RAP1B: variants seen among roughly 807,000 people sequenced by gnomAD.
RAP1B encodes ras-related protein Rap-1b.
In RAP1B, 1 loss-of-function variant was observed where a neutral mutation model predicts 27.5. That is an observed-to-expected ratio of 0.04 (90% CI 0.01 to 0.17). The LOEUF is 0.17. Ranked by LOEUF, RAP1B falls within the 10% of genes least tolerant of loss-of-function variation. The pLI, the probability that RAP1B is intolerant of heterozygous loss-of-function variation, is 1.00. For synonymous variants in RAP1B, 75 were observed against 73.1 expected (o/e 1.03, Z -0.13); for missense variants, 84 against 214.8 (o/e 0.39, Z 3.81).
In RAP1B at chr12:68,663,931, T is replaced by C. The variant is rs910218490; in HGVS notation, c.*4682T>C. On this transcript the variant is annotated 3_prime_UTR_variant, in exon 8 of 8. Coordinates refer to ENST00000250559, the MANE Select transcript of RAP1B (RefSeq NM_001010942.3). ...CCAACTTTCTAAGAGAAAATTGTAA[T>C]GATTTTAGAAAAGTGAGCTGTCATT... 6.6e-6 allele frequency: 1 copy of C among 152,196 alleles called. No individual in the cohort carries two copies. Among genetic ancestry groups the C allele is most frequent in the Non-Finnish European group, 1.5e-5 (1 of 68,018 alleles). The allele number at this position is 152,196 out of a possible 1,614,324, so 9.4% of individuals were successfully genotyped here. A position where few individuals can be genotyped will look rare whatever the true frequency, so the allele number is the denominator to read the frequency against.
intron 1 of RAP1B, among the ~76,000 whole-genome samples, chr12:68,646,549 A>G (rs1243558856): frequency 6.6e-6 from 1 of 152,038 alleles, no homozygotes; most frequent in Non-Finnish European, 1.5e-5. Context: ...CAGCCTCCCA[A>G]AGTGCTAGGA....
At position 68,662,475 on chromosome 12, in the gene RAP1B, A is replaced by G. The variant is rs1011957867; in HGVS notation, c.*3226A>G. 2 of 152,098 alleles carry G rather than the reference A, an allele frequency of 1.3e-5. No homozygotes were observed. Among genetic ancestry groups the G allele is most frequent in the Non-Finnish European group, 2.9e-5 (2 of 68,002 alleles). 9.4% of individuals were successfully genotyped at this position (152,098 alleles called of 1,614,324 possible). A position where few individuals can be genotyped will look rare whatever the true frequency, so the allele number is the denominator to read the frequency against. On this transcript the variant is annotated 3_prime_UTR_variant, in exon 8 of 8. Transcript: ENST00000250559. ...AATAGAAATTTTTAAAATTCCATTT[A>G]TAAAATGAAGTTTTGCCGTTTTTTT... is the stretch of plus-strand genomic sequence containing the variant.
intron 1 of RAP1B, among the ~76,000 whole-genome samples, chr12:68,642,105 A>G (rs1565667828): frequency 6.6e-6 from 1 of 152,214 alleles, no homozygotes; most frequent in Non-Finnish European, 1.5e-5. Flanking sequence ...ATTAGTTGGT[A>G]TAATTGGTTA....
At chr12:68,629,385 G>A (rs560465400) in intron 1 of RAP1B, among the ~76,000 whole-genome samples, 1 of 152,178 alleles carries the variant, frequency 6.6e-6, no homozygotes, top group Non-Finnish European at 1.5e-5. Flanking sequence ...ATACAGACAT[G>A]TCAGTGTTCA....
chr12:68,640,741 T>C (rs1872938342), intron 1 of RAP1B, among the ~76,000 whole-genome samples: 1 of 152,188 alleles, frequency 6.6e-6, no homozygotes, highest in Non-Finnish European at 1.5e-5. Context: ...AGTTGAATCT[T>C]AGGAAGAATG....
intron 1 of RAP1B, among the ~76,000 whole-genome samples, chr12:68,629,352 A>G (rs1872067940): frequency 6.6e-6 from 1 of 152,204 alleles, no homozygotes; most frequent in Non-Finnish European, 1.5e-5. Context: ...ATGGAAGGAC[A>G]TGGTAAGAGC....
At chr12:68,655,535 C>CT (rs35350174) in intron 5 of RAP1B, among the ~76,000 whole-genome samples, 29,174 of 125,558 alleles carry the variant, frequency 0.23, 4,192 homozygotes, top group Non-Finnish European at 0.32. Context: ...TTTTGATTGG[C>CT]TTTTTTTTTT....
chr12:68,647,330 C>T (rs950641359), intron 1 of RAP1B, among the ~76,000 whole-genome samples: 3 of 135,154 alleles, frequency 2.2e-5, no homozygotes, highest in African/African-American at 5.4e-5. Context: ...GTCAAGAGAT[C>T]GAGACCATCC....
chr12:68,646,609 C>T (rs939958980), intron 1 of RAP1B, among the ~76,000 whole-genome samples: 6 of 152,170 alleles, frequency 3.9e-5, no homozygotes, highest in African/African-American at 1.4e-4. Context: ...GTTTTTAGAA[C>T]ACTTCCATCA....
chr12:68,642,822 T>C, intron 1 of RAP1B: 1 of 1,009,830 alleles, frequency 9.9e-7, no homozygotes, highest in Non-Finnish European at 1.6e-6. Context: ...ACGTTGGCCT[T>C]GTAGTAAGCC....
chr12:68,615,993 C>T (rs887274556), intron 1 of RAP1B, among the ~76,000 whole-genome samples: 6 of 151,532 alleles, frequency 4.0e-5, no homozygotes, highest in Non-Finnish European at 5.9e-5. Context: ...AGATGGAGTC[C>T]CACTCTGTCG....
chr12:68,631,838 C>A (rs915839142), intron 1 of RAP1B, among the ~76,000 whole-genome samples: 3 of 152,076 alleles, frequency 2.0e-5, no homozygotes, highest in Admixed American at 6.6e-5. Flanking sequence ...TTTTTGAGAG[C>A]AGGTATGTTT....
At chr12:68,633,467 A>G (rs1318704770) in intron 1 of RAP1B, among the ~76,000 whole-genome samples, 1 of 152,222 alleles carries the variant, frequency 6.6e-6, no homozygotes. Flanking sequence ...CAGCGCAAAC[A>G]CTGTGAACAT....
intron 1 of RAP1B, among the ~76,000 whole-genome samples, chr12:68,618,944 C>G (rs1333141772): frequency 2.0e-5 from 3 of 151,666 alleles, no homozygotes; most frequent in African/African-American, 7.3e-5. Context: ...CCTGTCTCTC[C>G]TATTAAAAAA....
At chr12:68,615,413 T>C (rs1051808611) in intron 1 of RAP1B, among the ~76,000 whole-genome samples, 1 of 152,028 alleles carries the variant, frequency 6.6e-6, no homozygotes, top group Admixed American at 6.6e-5. Context: ...TTCTGTGATA[T>C]CAGTATACAA....
chr12:68,637,934 G>C (rs1872743443), intron 1 of RAP1B, among the ~76,000 whole-genome samples: 3 of 151,986 alleles, frequency 2.0e-5, no homozygotes, highest in Admixed American at 6.5e-5. Context: ...TTTTTTTAAT[G>C]AGTTAATTTG....
chr12:68,630,412 CAAAAAA>C, intron 1 of RAP1B, among the ~76,000 whole-genome samples: 1 of 151,328 alleles, frequency 6.6e-6, no homozygotes, highest in East Asian at 1.9e-4. Context: ...TTTTATTTAC[CAAAAAA>C]AACAAAAACA....
At chr12:68,642,946 A>T in intron 1 of RAP1B, 1 of 851,652 alleles carries the variant, frequency 1.2e-6, no homozygotes, top group Non-Finnish European at 2.1e-6. Context: ...TGATCTCTGC[A>T]AAAGCTACTC....
chr12:68,639,343 A>G (rs1337735533), intron 1 of RAP1B, among the ~76,000 whole-genome samples: 1 of 152,054 alleles, frequency 6.6e-6, no homozygotes, highest in African/African-American at 2.4e-5. Flanking sequence ...GGAAACCAAG[A>G]ATTAAGTGAT....
Sources: gnomAD v4.1 joint callset for allele counts (sites outside exome capture counted in the v4.1 genomes callset) on GRCh38, gnomAD v4.1.1 for gene constraint, MANE v1.5 for transcripts, NCBI Gene and HGNC (gene_info 2026-07-23, HGNC 2026-07-21) for gene names.